Variants in OR51B5 observed in about 807,000 individuals in gnomAD.
The protein encoded by OR51B5 is olfactory receptor 51B5.
For missense variants in OR51B5, 456 were observed against 374.6 expected, an observed-to-expected ratio of 1.22 and a Z score of -1.79; for synonymous variants, 186 against 144.8, an observed-to-expected ratio of 1.28 and a Z score of -2.04.
chr11:5,352,125 G>C (rs754956459), intron 1 of OR51B5: 1 of 1,614,118 alleles, frequency 6.2e-7, no homozygotes, highest in South Asian at 1.1e-5. Context: ...CAATGGTCTT[G>C]TTGGACTTTC....
At position 5,486,781 on chromosome 11, in the gene OR51B5, T is replaced by C. The variant is rs147351872; in HGVS notation, n.84+18788A>G. On this transcript the variant is annotated intron_variant and non_coding_transcript_variant, in intron 1 of 4. Transcript: ENST00000415970. ...TGACTTTTTGTTTGCTCTGTATCTT[T>C]TGTCTCATAACTTCCTAAACACCAT... 3.6e-3 allele frequency among the ~76,000 whole-genome samples: 545 copies of C among 152,292 alleles called. 3 individuals are homozygous for C. The highest frequency in any genetic ancestry group is 0.013 in the African/African-American group (521 of 41,566).
intron 1 of OR51B5, among the ~76,000 whole-genome samples, chr11:5,442,849 C>T (rs1335700087): frequency 6.6e-6 from 1 of 152,124 alleles, no homozygotes; most frequent in Non-Finnish European, 1.5e-5. Flanking sequence ...TGAAAACATT[C>T]TCTCTCCTAA....
At chr11:5,374,236 C>T (rs548386841) in intron 1 of OR51B5, among the ~76,000 whole-genome samples, 15 of 152,258 alleles carry the variant, frequency 9.9e-5, no homozygotes, top group Admixed American at 3.9e-4. Context: ...TGGAGTGGAC[C>T]TCTAGCAAAC....
intron 1 of OR51B5, among the ~76,000 whole-genome samples, chr11:5,501,939 C>G (rs1199938429): frequency 1.7e-5 from 2 of 121,146 alleles, no homozygotes; most frequent in African/African-American, 5.1e-5. Context: ...CCCGACAGGC[C>G]CGGTGTGTGA....
intron 1 of OR51B5, among the ~76,000 whole-genome samples, chr11:5,433,865 A>T (rs1268699279): frequency 6.6e-6 from 1 of 152,026 alleles, no homozygotes. Context: ...ATGACTATGG[A>T]GACAAGAGCA....
At chr11:5,504,447 G>A (rs148848057) in intron 1 of OR51B5, among the ~76,000 whole-genome samples, 35 of 152,180 alleles carry the variant, frequency 2.3e-4, no homozygotes, top group Middle Eastern at 3.4e-3. Flanking sequence ...TCTTCTCTTC[G>A]CCACCTGTGT....
intron 1 of OR51B5, among the ~76,000 whole-genome samples, chr11:5,418,998 C>T (rs1850288191): frequency 1.3e-5 from 2 of 151,844 alleles, no homozygotes; most frequent in African/African-American, 4.8e-5. Context: ...GAGGCATGTG[C>T]TCATTTTTTG....
chr11:5,458,754 A>G (rs1118718), intron 1 of OR51B5, among the ~76,000 whole-genome samples: 98,355 of 151,988 alleles, frequency 0.65, 32,115 homozygotes, highest in Non-Finnish European at 0.67. Flanking sequence ...GTGGCTCTCA[A>G]CTTGGATGTT....
At chr11:5,466,432 T>C (rs549231669) in intron 1 of OR51B5, among the ~76,000 whole-genome samples, 1 of 152,338 alleles carries the variant, frequency 6.6e-6, no homozygotes, top group African/African-American at 2.4e-5. Context: ...AAGGACGCAT[T>C]TTTTAAAAGC....
intron 1 of OR51B5, among the ~76,000 whole-genome samples, chr11:5,498,224 C>T (rs1233478939): frequency 6.6e-6 from 1 of 152,128 alleles, no homozygotes; most frequent in African/African-American, 2.4e-5. Context: ...TCCCTAAACC[C>T]CTTAGCTATC....
At chr11:5,453,182 T>C in intron 1 of OR51B5, 1 of 217,186 alleles carries the variant, frequency 4.6e-6, no homozygotes, top group Non-Finnish European at 9.0e-6. Context: ...GTTGTAGAAA[T>C]GTAGTTTAAA....
intron 1 of OR51B5, chr11:5,453,316 T>C: frequency 2.2e-6 from 1 of 449,340 alleles, no homozygotes; most frequent in Non-Finnish European, 3.9e-6. Context: ...GAAAAGGAGT[T>C]TGCCTGCATC....
intron 1 of OR51B5, among the ~76,000 whole-genome samples, chr11:5,371,325 A>C (rs916183806): frequency 1.3e-5 from 2 of 152,180 alleles, no homozygotes; most frequent in Non-Finnish European, 2.9e-5. Flanking sequence ...TGAACATATA[A>C]TTCTCATTCT....
intron 1 of OR51B5, among the ~76,000 whole-genome samples, chr11:5,468,203 A>C (rs1851167040): frequency 6.6e-6 from 1 of 152,248 alleles, no homozygotes; most frequent in Admixed American, 6.5e-5. Flanking sequence ...CATAGATGTT[A>C]TTAGTACATT....
At chr11:5,485,928 A>G (rs148028227) in intron 1 of OR51B5, among the ~76,000 whole-genome samples, 1 of 152,054 alleles carries the variant, frequency 6.6e-6, no homozygotes. Flanking sequence ...TAGTTTTTTT[A>G]AAAAATGTGG....
chr11:5,343,126 T>C (rs1564911987), exon 1 of OR51B5: 3 of 1,613,520 alleles, frequency 1.9e-6, no homozygotes, highest in Non-Finnish European at 2.5e-6. Context: ...TATTAGTAAG[T>C]ACAGAGGTAT....
At chr11:5,361,186 C>G (rs2467229) in intron 1 of OR51B5, among the ~76,000 whole-genome samples, 57,755 of 151,990 alleles carry the variant, frequency 0.38, 11,212 homozygotes, top group Non-Finnish European at 0.41. Flanking sequence ...AGGCCATCCT[C>G]CCTACATTTT....
chr11:5,485,127 A>T (rs1851481096), intron 1 of OR51B5, among the ~76,000 whole-genome samples: 1 of 152,158 alleles, frequency 6.6e-6, no homozygotes, highest in South Asian at 2.1e-4. Flanking sequence ...CCCCTCCACC[A>T]AAGGTGATGG....
At chr11:5,394,353 T>C (rs2133734097) in intron 1 of OR51B5, among the ~76,000 whole-genome samples, 1 of 152,276 alleles carries the variant, frequency 6.6e-6, no homozygotes, top group Admixed American at 6.5e-5. Context: ...GTGGTGCTTG[T>C]AGTTTTAACT....
Sources: gnomAD v4.1 joint callset for allele counts (sites outside exome capture counted in the v4.1 genomes callset) on GRCh38, gnomAD v4.1.1 for gene constraint, MANE v1.5 for transcripts, NCBI Gene and HGNC (gene_info 2026-07-23, HGNC 2026-07-21) for gene names.